The following TMEM63A variants were observed in gnomAD, a reference collection of about 807,000 sequenced individuals.
TMEM63A encodes the protein transmembrane protein 63A, also known as mechanosensitive cation channel TMEM63A.
TMEM63A carries 76 observed loss-of-function variants against 100.6 expected under a neutral mutation model. The ratio of observed to expected loss-of-function variants is 0.76; its 90% confidence interval spans 0.63 to 0.91. The LOEUF is 0.91. TMEM63A is among the 40% of genes least tolerant of loss of function. The pLI, the probability that TMEM63A is intolerant of heterozygous loss-of-function variation, is 0.00. For synonymous variants in TMEM63A, 401 were observed against 401.1 expected (o/e 1.00, Z 0.00); for missense variants, 876 against 1,008.8 (o/e 0.87, Z 1.78).
intron 14 of TMEM63A, 70 bp from the exon 15 acceptor site, chr1:225,859,419 G>A: frequency 1.3e-6 from 2 of 1,587,904 alleles, no homozygotes; most frequent in South Asian, 2.3e-5. Context: ...TGGGTCAGAA[G>A]GTCAGATTTA....
chr1:225,852,751 C>T lies in TMEM63A; in HGVS notation c.1816G>A (p.Glu606Lys). The stretch of plus-strand genomic sequence containing the variant: ...ATCCATGCATACATGGCTCCAAACT[C>T]GTACTGGAAGGCCTGGTTCTGGGAG... Reference protein sequence around the residue: ...NVKQNQAFQYEFGAMYAWMLC... With the variant: ...NVKQNQAFQYKFGAMYAWMLC... The change falls in exon 20 of 25, where the codon GAG becomes AAG. Residue 606 changes from glutamate (E) to lysine (K), a missense_variant. Glu to Lys is a moderately conservative substitution (Grantham distance 56). Coordinates refer to ENST00000366835, the MANE Select transcript of TMEM63A (RefSeq NM_014698.3). 4 of 1,614,076 alleles carry T rather than the reference C, an allele frequency of 2.5e-6. No homozygotes were observed. The highest frequency in any genetic ancestry group is 2.2e-5 in the East Asian group (1 of 44,884).
intron 20 of TMEM63A, among the ~76,000 whole-genome samples, chr1:225,850,301 G>C (rs755813843): frequency 1.3e-5 from 2 of 151,990 alleles, no homozygotes; most frequent in African/African-American, 2.4e-5. Context: ...AAGGTGTAGG[G>C]GATCGGTCAG....
chr1:225,879,977 C>T (rs752539098), intron 1 of TMEM63A, among the ~76,000 whole-genome samples: 4 of 108,158 alleles, frequency 3.7e-5, no homozygotes, highest in African/African-American at 1.1e-4. Context: ...GGCATACCCT[C>T]GCCAGTGCTG....
chr1:225,848,232 G>A, intron 23 of TMEM63A: 1 of 515,470 alleles, frequency 1.9e-6, no homozygotes, highest in South Asian at 2.7e-5. Flanking sequence ...ATGCAGAGAA[G>A]GAAAGAGAGC....
intron 6 of TMEM63A, among the ~76,000 whole-genome samples, chr1:225,869,666 C>CTTTTCTTTTTTTTT (rs76862516): frequency 1.9e-4 from 21 of 109,896 alleles, no homozygotes; most frequent in African/African-American, 4.2e-4. Flanking sequence ...CTTTTCTTTT[C>CTTTTCTTTTTTTTT]TTTTTTTTTT....
At chr1:225,863,422 A>G (rs957453659) in intron 10 of TMEM63A, among the ~76,000 whole-genome samples, 11 of 152,270 alleles carry the variant, frequency 7.2e-5, no homozygotes, top group African/African-American at 2.6e-4. Flanking sequence ...ATCAGCTGGC[A>G]CTTCTCCTGG....
intron 2 of TMEM63A, among the ~76,000 whole-genome samples, chr1:225,877,896 T>C (rs1215190869): frequency 6.6e-6 from 1 of 152,126 alleles, no homozygotes; most frequent in African/African-American, 2.4e-5. Flanking sequence ...ACAGAGTTGC[T>C]GCAGCTGCTG....
At chr1:225,880,935 G>C (rs952708060) in intron 1 of TMEM63A, among the ~76,000 whole-genome samples, 1 of 152,198 alleles carries the variant, frequency 6.6e-6, no homozygotes, top group Non-Finnish European at 1.5e-5. Context: ...AAGAAGGCCC[G>C]TACAAATTCA....
chr1:225,876,438 T>G (rs950553779), intron 3 of TMEM63A, among the ~76,000 whole-genome samples: 17 of 152,132 alleles, frequency 1.1e-4, no homozygotes, highest in African/African-American at 2.9e-4. Context: ...TGCCACATGT[T>G]AGGAGACAGT....
At chr1:225,844,269 G>T (rs182435995), downstream of TMEM63A, among the ~76,000 whole-genome samples, 4 of 151,692 alleles carry the variant, frequency 2.6e-5, no homozygotes, top group Non-Finnish European at 4.4e-5. Context: ...CAAGGTGGGT[G>T]GGGGGAGGAC....
intron 17 of TMEM63A, 73 bp from the exon 18 acceptor site, chr1:225,856,013 C>G: frequency 6.6e-7 from 1 of 1,515,608 alleles, no homozygotes; most frequent in Non-Finnish European, 9.0e-7. Context: ...CTTTCATTTT[C>G]TTTTGCTCTA....
In TMEM63A at chr1:225,860,935, G is replaced by A. The variant is rs748440868; in HGVS notation, c.1148C>T (p.Pro383Leu). The A allele has an allele frequency of 1.6e-5, 26 of 1,612,908 alleles. No homozygotes were observed. Among genetic ancestry groups the A allele is most frequent in the Admixed American group, 5.0e-5 (3 of 59,848 alleles). The change falls in exon 14 of 25, where the codon CCG becomes CTG. Residue 383 changes from proline to leucine, a missense_variant. Physicochemically the swap from Pro to Leu is moderately conservative, Grantham distance 98 (BLOSUM62 -3). Coordinates refer to ENST00000366835, the MANE Select transcript of TMEM63A (RefSeq NM_014698.3). ...ATAGAGCTCCCTGCTATGGGAGGAC[G>A]GCTGGGGCTCACCTTTGCACTGAAG... ...QSLQCKGEPQ[P>L]SSHSRELYTS...
chr1:225,860,756 G>C, intron 14 of TMEM63A, 104 bp downstream of exon 14: 2 of 1,352,704 alleles, frequency 1.5e-6, no homozygotes, highest in Non-Finnish European at 2.0e-6. Context: ...CAGATGTGTG[G>C]AGATCTCCAT....
intron 23 of TMEM63A, 109 bp downstream of exon 23, chr1:225,848,383 A>G: frequency 8.4e-7 from 1 of 1,187,780 alleles, no homozygotes; most frequent in Non-Finnish European, 1.2e-6. Flanking sequence ...CTGCCATGTG[A>G]TCTTAGCAAG....
intron 17 of TMEM63A, among the ~76,000 whole-genome samples, chr1:225,856,446 GT>G (rs1214263121): frequency 6.6e-6 from 1 of 151,042 alleles, no homozygotes; most frequent in Non-Finnish European, 1.5e-5. Context: ...CCAATATGGT[GT>G]TTTTTTCTTT....
chr1:225,863,524 G>A (rs561956083), intron 10 of TMEM63A, among the ~76,000 whole-genome samples: 5 of 152,274 alleles, frequency 3.3e-5, no homozygotes, highest in African/African-American at 1.2e-4. Context: ...AGCCATCACT[G>A]AAATCCTATT....
In TMEM63A at chr1:225,860,839, C is replaced by G. The variant is rs370677435; in HGVS notation, c.1223+21G>C. 5.7e-6 allele frequency: 9 copies of G among 1,585,768 alleles called. No homozygotes were observed. In the African/African-American group the frequency reaches 9.5e-5, roughly 17 times the overall value. On this transcript the variant is annotated intron_variant, in intron 14 of 24. Transcript: ENST00000366835. Reference sequence around the variant, plus strand: ...AGGAACCCAGGCCTCTCTCCCACCTCTCCTTGGTCTAGGAGCTTACCAGCA... The same window carrying G: ...AGGAACCCAGGCCTCTCTCCCACCTGTCCTTGGTCTAGGAGCTTACCAGCA...
rs544697683 is a variant in TMEM63A, at chr1:225,877,498, T to C, written c.83A>G (p.Asn28Ser). 2 of 1,614,166 alleles carry C rather than the reference T, an allele frequency of 1.2e-6. No individual in the cohort carries two copies. Among genetic ancestry groups the C allele is most frequent in the South Asian group, 1.1e-5 (1 of 91,080 alleles). ...GGCCGAGTTGTAGCAATAGGAGTCG[T>C]TGGGCCGGTCCCCGAGTCCCAGCTG... ...REQLGLGDRP[N>S]DSYCYNSAKN... The change falls in exon 3 of 25, where the codon AAC becomes AGC. Residue 28 changes from asparagine (N) to serine (S), a missense_variant. Asn to Ser is a conservative substitution (Grantham distance 46, BLOSUM62 1). Coordinates refer to ENST00000366835, the MANE Select transcript of TMEM63A (RefSeq NM_014698.3).
At chr1:225,847,911 G>C (rs1576062675) in intron 23 of TMEM63A, among the ~76,000 whole-genome samples, 1 of 152,170 alleles carries the variant, frequency 6.6e-6, no homozygotes, top group Non-Finnish European at 1.5e-5. Context: ...AGGAAGGCTG[G>C]TGACTACAGC....
Sources: allele counts gnomAD v4.1 joint callset (sites outside exome capture counted in the v4.1 genomes callset), GRCh38; gene constraint gnomAD v4.1.1; transcripts MANE v1.5; gene names NCBI Gene and HGNC (gene_info 2026-07-23, HGNC 2026-07-21).